PBX3: variants seen among roughly 807,000 people sequenced by gnomAD.
PBX3 encodes the protein PBX homeobox 3.
A neutral mutation model predicts 48.5 loss-of-function variants in PBX3; 14 were observed. The ratio of observed to expected loss-of-function variants is 0.29; its 90% confidence interval spans 0.19 to 0.45. The LOEUF (loss-of-function observed/expected upper bound fraction) is 0.45. PBX3 is among the 20% of genes least tolerant of loss of function. PBX3 has a pLI of 1.00. For missense variants in PBX3, 386 were observed against 546.7 expected, an observed-to-expected ratio of 0.71 and a Z score of 2.93; for synonymous variants, 210 against 200.3, an observed-to-expected ratio of 1.05 and a Z score of -0.41.
At chr9:125,904,174 C>T (rs754193181) in intron 2 of PBX3, among the ~76,000 whole-genome samples, 15 of 151,726 alleles carry the variant, frequency 9.9e-5, no homozygotes, top group Non-Finnish European at 2.1e-4. Flanking sequence ...TTTTGGTTTC[C>T]AGTCATTATA....
At chr9:125,817,483 TGAAA>T (rs1301292826) in intron 2 of PBX3, among the ~76,000 whole-genome samples, 1 of 152,176 alleles carries the variant, frequency 6.6e-6, no homozygotes, top group African/African-American at 2.4e-5. Context: ...TCCCCTATTC[TGAAA>T]GAAACACACA....
chr9:125,822,723 T>G (rs1157225651), intron 2 of PBX3, among the ~76,000 whole-genome samples: 1 of 152,194 alleles, frequency 6.6e-6, no homozygotes, highest in African/African-American at 2.4e-5. Flanking sequence ...AAAGGCTGCA[T>G]AATCCAATCA....
chr9:125,884,334 C>T (rs1840449847), intron 2 of PBX3, among the ~76,000 whole-genome samples: 1 of 152,152 alleles, frequency 6.6e-6, no homozygotes, highest in Non-Finnish European at 1.5e-5. Flanking sequence ...TTATTGGTTG[C>T]CATAACTCAA....
At chr9:125,946,681 C>A (rs1347166949) in intron 5 of PBX3, among the ~76,000 whole-genome samples, 1 of 151,798 alleles carries the variant, frequency 6.6e-6, no homozygotes, top group East Asian at 1.9e-4. Flanking sequence ...AATACAGAGA[C>A]AATAGGATAG....
chr9:125,867,413 G>T (rs1025305634), intron 2 of PBX3, among the ~76,000 whole-genome samples: 1 of 151,882 alleles, frequency 6.6e-6, no homozygotes, highest in African/African-American at 2.4e-5. Flanking sequence ...AGGCCAAGGC[G>T]GGTGGATCAT....
At chr9:125,876,222 A>G (rs1438063467) in intron 2 of PBX3, among the ~76,000 whole-genome samples, 2 of 152,122 alleles carry the variant, frequency 1.3e-5, no homozygotes, top group Admixed American at 1.3e-4. Flanking sequence ...CTTATTTCCC[A>G]CTTATACTGT....
At chr9:125,826,040 A>C (rs903816660) in intron 2 of PBX3, among the ~76,000 whole-genome samples, 1 of 152,202 alleles carries the variant, frequency 6.6e-6, no homozygotes, top group African/African-American at 2.4e-5. Context: ...TCTTTGAGAA[A>C]GGCAATAACG....
At chr9:125,882,155 A>G (rs1840397830) in intron 2 of PBX3, among the ~76,000 whole-genome samples, 1 of 152,094 alleles carries the variant, frequency 6.6e-6, no homozygotes, top group Admixed American at 6.5e-5. Flanking sequence ...GCTTGAACCC[A>G]GGAGCTTGAG....
At chr9:125,965,160 A>C (rs1466805886) in intron 8 of PBX3, among the ~76,000 whole-genome samples, 3 of 152,190 alleles carry the variant, frequency 2.0e-5, no homozygotes, top group African/African-American at 7.2e-5. Context: ...CATAAGGCAA[A>C]TTTGTTTCTG....
chr9:125,864,825 C>T (rs1450731511), intron 2 of PBX3, among the ~76,000 whole-genome samples: 3 of 152,148 alleles, frequency 2.0e-5, no homozygotes, highest in South Asian at 2.1e-4. Context: ...GAACCAGCAC[C>T]GGTCCGTGAC....
At chr9:125,928,744 C>T (rs1841645568) in intron 3 of PBX3, among the ~76,000 whole-genome samples, 2 of 152,136 alleles carry the variant, frequency 1.3e-5, no homozygotes, top group Non-Finnish European at 2.9e-5. Context: ...GGATTACAGG[C>T]GTGAGCCACC....
chr9:125,906,983 G>A (rs1841088608), intron 2 of PBX3, among the ~76,000 whole-genome samples: 2 of 151,952 alleles, frequency 1.3e-5, no homozygotes, highest in African/African-American at 4.8e-5. Context: ...TACTTTCTAT[G>A]TGTTTTTCTA....
chr9:125,797,845 G>C (rs976811587), intron 2 of PBX3, among the ~76,000 whole-genome samples: 1 of 152,114 alleles, frequency 6.6e-6, no homozygotes, highest in African/African-American at 2.4e-5. Flanking sequence ...CTCCAAGTAT[G>C]TAAGAGACCA....
At chr9:125,897,141 G>GTTTT (rs371641194) in intron 2 of PBX3, among the ~76,000 whole-genome samples, 54 of 108,888 alleles carry the variant, frequency 5.0e-4, no homozygotes, top group East Asian at 7.6e-4. Context: ...TTCATTTGTG[G>GTTTT]TTTTTTTTTT....
chr9:125,908,438 CA>C, intron 2 of PBX3, among the ~76,000 whole-genome samples: 2 of 152,078 alleles, frequency 1.3e-5, no homozygotes, highest in East Asian at 3.9e-4. Context: ...TGGGGGAACA[CA>C]AGGATTGCAT....
At chr9:125,935,056 T>C (rs1346794641) in intron 4 of PBX3, among the ~76,000 whole-genome samples, 2 of 152,188 alleles carry the variant, frequency 1.3e-5, no homozygotes, top group African/African-American at 2.4e-5. Flanking sequence ...TCCAGACTCA[T>C]CTCACACATT....
chr9:125,838,403 C>A (rs1460680139), intron 2 of PBX3, among the ~76,000 whole-genome samples: 4 of 152,130 alleles, frequency 2.6e-5, no homozygotes, highest in African/African-American at 9.7e-5. Flanking sequence ...TTTCAAGAGA[C>A]CTCTATAATT....
chr9:125,777,010 C>CTTTTTTTTTTT (rs1299800849), intron 2 of PBX3, among the ~76,000 whole-genome samples: 6 of 94,298 alleles, frequency 6.4e-5, no homozygotes, highest in East Asian at 5.9e-4. Flanking sequence ...TTTTTCTTTT[C>CTTTTTTTTTTT]TTTTCTTTTT....
At chr9:125,823,469 T>C (rs1056944521) in intron 2 of PBX3, among the ~76,000 whole-genome samples, 1 of 152,316 alleles carries the variant, frequency 6.6e-6, no homozygotes, top group East Asian at 1.9e-4. Context: ...ACAAAGATAG[T>C]TTTTAAAAGA....
Sources: gnomAD v4.1 joint callset for allele counts (sites outside exome capture counted in the v4.1 genomes callset) on GRCh38, gnomAD v4.1.1 for gene constraint, MANE v1.5 for transcripts, NCBI Gene and HGNC (gene_info 2026-07-23, HGNC 2026-07-21) for gene names.